Variants in SUPT3H observed in about 807,000 individuals in gnomAD.
The protein encoded by SUPT3H is SPT3 homolog, SAGA and STAGA complex component.
In SUPT3H, 44 loss-of-function variants were observed where a neutral mutation model predicts 44.3. That is an observed-to-expected ratio of 0.99 (90% CI 0.78 to 1.28). The LOEUF (loss-of-function observed/expected upper bound fraction) is 1.28. Among genes scored for constraint, SUPT3H ranks in the 50% most tolerant of loss-of-function variants. The pLI, the probability that SUPT3H is intolerant of heterozygous loss-of-function variation, is 0.00. For synonymous variants in SUPT3H, 124 were observed against 125.6 expected (o/e 0.99, Z 0.09); for missense variants, 380 against 387.1 (o/e 0.98, Z 0.15).
chr6:45,219,480 T>C (rs1056558288), intron 2 of SUPT3H, among the ~76,000 whole-genome samples: 4 of 151,408 alleles, frequency 2.6e-5, no homozygotes, highest in Admixed American at 2.6e-4. Context: ...TACTAAAAGA[T>C]TAAAAAGGGA....
chr6:45,082,400 A>G (rs1007869720), intron 3 of SUPT3H, among the ~76,000 whole-genome samples: 2 of 152,234 alleles, frequency 1.3e-5, no homozygotes, highest in African/African-American at 4.8e-5. Context: ...AATCATTAAC[A>G]AAATACTAGC....
intron 2 of SUPT3H, among the ~76,000 whole-genome samples, chr6:45,229,977 T>C (rs1371709317): frequency 6.6e-6 from 1 of 152,162 alleles, no homozygotes; most frequent in Admixed American, 6.5e-5. Flanking sequence ...CATGGTCCCT[T>C]TCCCCCACCC....
intron 6 of SUPT3H, among the ~76,000 whole-genome samples, chr6:44,988,525 A>AT (rs1377355724): frequency 3.4e-5 from 5 of 147,246 alleles, no homozygotes; most frequent in Non-Finnish European, 7.5e-5. Flanking sequence ...TAAATAAAAA[A>AT]AAAAAAAAAA....
intron 10 of SUPT3H, among the ~76,000 whole-genome samples, chr6:44,895,439 A>G (rs1418632334): frequency 4.6e-5 from 7 of 152,232 alleles, no homozygotes; most frequent in East Asian, 1.9e-4. Flanking sequence ...GAAGATAATT[A>G]TTAAAGCTGA....
intron 2 of SUPT3H, chr6:45,361,447 A>C (rs1469155969): frequency 6.6e-6 from 1 of 152,232 alleles, no homozygotes; most frequent in Admixed American, 6.5e-5. Context: ...TAAATGGGTA[A>C]AGTAAGGAAG....
rs73735289 is a variant in SUPT3H, at chr6:44,969,150, C to A, written c.505-7322G>T. ...CTAGATAGTATTATACCCCTTCCTG[C>A]ACTTTCCCATGTGTGCTACTTTTGT... is the stretch of plus-strand genomic sequence containing the variant. On this transcript the variant is annotated intron_variant, in intron 6 of 10. Coordinates refer to ENST00000371459, the MANE Select transcript of SUPT3H (RefSeq NM_003599.4). Among the ~76,000 whole-genome samples, 1,320 of 152,310 alleles carry A rather than the reference C, an allele frequency of 8.7e-3. 23 individuals are homozygous for A. Among genetic ancestry groups the A allele is most frequent in the African/African-American group, 0.03 (1,244 of 41,558 alleles).
At chr6:44,981,932 T>C (rs1423248042) in intron 6 of SUPT3H, among the ~76,000 whole-genome samples, 2 of 150,548 alleles carry the variant, frequency 1.3e-5, no homozygotes, top group African/African-American at 4.9e-5. Flanking sequence ...TCCCAGCTAC[T>C]GGGGAGGCTA....
intron 2 of SUPT3H, among the ~76,000 whole-genome samples, chr6:45,342,147 G>A (rs963762238): frequency 6.6e-6 from 1 of 152,074 alleles, no homozygotes. Flanking sequence ...GGTTGATGGT[G>A]CCAATGATCA....
intron 10 of SUPT3H, among the ~76,000 whole-genome samples, chr6:44,876,576 C>A (rs555882996): frequency 1.4e-5 from 2 of 147,264 alleles, no homozygotes; most frequent in Non-Finnish European, 1.5e-5. Flanking sequence ...GTGGGTGCAG[C>A]GCACCAGCAT....
chr6:44,923,378 T>C (rs1283648402), intron 10 of SUPT3H, among the ~76,000 whole-genome samples: 2 of 152,132 alleles, frequency 1.3e-5, no homozygotes, highest in African/African-American at 2.4e-5. Context: ...GGTTTGAATG[T>C]CTATCACAAT....
intron 10 of SUPT3H, among the ~76,000 whole-genome samples, chr6:44,833,141 C>CTAT (rs546349939): frequency 5.3e-4 from 80 of 152,178 alleles, no homozygotes; most frequent in African/African-American, 1.9e-3. Context: ...TTGTTTTATT[C>CTAT]TATTACCTTT....
intron 3 of SUPT3H, among the ~76,000 whole-genome samples, chr6:45,043,704 G>GA (rs979097082): frequency 6.6e-6 from 1 of 151,622 alleles, no homozygotes. Flanking sequence ...ATTAAAGGCT[G>GA]AAAAAAAAGG....
intron 2 of SUPT3H, among the ~76,000 whole-genome samples, chr6:45,219,908 A>T (rs1399171236): frequency 1.3e-5 from 2 of 151,762 alleles, no homozygotes; most frequent in African/African-American, 4.8e-5. Context: ...GTGTGGTGGC[A>T]CGTGCCCGTA....
chr6:44,899,625 T>A (rs1561997081), intron 10 of SUPT3H, among the ~76,000 whole-genome samples: 1 of 152,140 alleles, frequency 6.6e-6, no homozygotes. Context: ...AGATGGAGGA[T>A]GCAGTGAGCT....
At chr6:45,087,267 C>T (rs917215813) in intron 3 of SUPT3H, among the ~76,000 whole-genome samples, 1 of 151,802 alleles carries the variant, frequency 6.6e-6, no homozygotes, top group Admixed American at 6.6e-5. Context: ...ATAAATGATA[C>T]TGAATTTTAA....
chr6:44,960,419 C>CA (rs752377751), intron 7 of SUPT3H, among the ~76,000 whole-genome samples: 38,732 of 90,710 alleles, frequency 0.43, 6,584 homozygotes, highest in Middle Eastern at 0.47. Flanking sequence ...GATTCCATCT[C>CA]AAAAAAAAAA....
intron 6 of SUPT3H, 114 bp from the exon 7 acceptor site, chr6:44,961,942 G>C (rs1776092126): frequency 1.4e-6 from 1 of 697,586 alleles, no homozygotes; most frequent in Non-Finnish European, 2.4e-6. Context: ...CAGGTGAACA[G>C]GGTAGTACTA....
chr6:45,174,359 T>C (rs1811327327), intron 2 of SUPT3H, among the ~76,000 whole-genome samples: 1 of 152,226 alleles, frequency 6.6e-6, no homozygotes, highest in East Asian at 1.9e-4. Context: ...AAGAAATTAA[T>C]CTTTTACATC....
intron 2 of SUPT3H, among the ~76,000 whole-genome samples, chr6:45,115,256 C>T (rs1181716395): frequency 6.6e-6 from 1 of 152,010 alleles, no homozygotes; most frequent in African/African-American, 2.4e-5. Flanking sequence ...GTCAAGATTA[C>T]TTGGTATGAG....
Sources: gnomAD v4.1 joint callset for allele counts (sites outside exome capture counted in the v4.1 genomes callset) on GRCh38, gnomAD v4.1.1 for gene constraint, MANE v1.5 for transcripts, NCBI Gene and HGNC (gene_info 2026-07-23, HGNC 2026-07-21) for gene names.